STK32B: variants seen among roughly 807,000 people sequenced by gnomAD.
STK32B encodes serine/threonine-protein kinase 32B.
Under a neutral mutation model 52.6 loss-of-function variants are expected in STK32B, and 43 were observed. The ratio of observed to expected loss-of-function variants is 0.82; its 90% CI spans 0.64 to 1.05. The LOEUF is 1.05. Ranked by LOEUF, STK32B falls within the 50% of genes least tolerant of loss-of-function variation. The probability of loss-of-function intolerance (pLI) is 0.00; values close to 1 mark genes in which losing one functional copy is unlikely to be tolerated. For synonymous variants in STK32B, 238 were observed against 204.3 expected, an observed-to-expected ratio of 1.17 and a Z score of -1.41; for missense variants, 621 against 534.6, an observed-to-expected ratio of 1.16 and a Z score of -1.59.
At chr4:5,121,663 T>G (rs1443591218) in intron 1 of STK32B, among the ~76,000 whole-genome samples, 1 of 152,180 alleles carries the variant, frequency 6.6e-6, no homozygotes, top group Non-Finnish European at 1.5e-5. Context: ...TGTTAATGAC[T>G]TCTGAAGGTA....
At chr4:5,281,585 T>G (rs907541790) in intron 3 of STK32B, among the ~76,000 whole-genome samples, 1 of 152,194 alleles carries the variant, frequency 6.6e-6, no homozygotes, top group Non-Finnish European at 1.5e-5. Context: ...TCTGTACATG[T>G]ATCCCAGAAC....
At chr4:5,141,258 G>A (rs1280372897) in intron 2 of STK32B, among the ~76,000 whole-genome samples, 1 of 152,190 alleles carries the variant, frequency 6.6e-6, no homozygotes, top group Non-Finnish European at 1.5e-5. Context: ...CTCTCATACA[G>A]GGTGTCAGGG....
intron 7 of STK32B, among the ~76,000 whole-genome samples, chr4:5,455,552 AAG>A (rs1229088664): frequency 6.6e-6 from 1 of 152,216 alleles, no homozygotes; most frequent in Middle Eastern, 3.2e-3. Flanking sequence ...TTTCCGAAGC[AAG>A]AACTCAAGGT....
intron 4 of STK32B, among the ~76,000 whole-genome samples, chr4:5,397,363 G>A (rs1273853796): frequency 6.6e-6 from 1 of 152,316 alleles, no homozygotes; most frequent in East Asian, 1.9e-4. Flanking sequence ...TTTCACGTGT[G>A]TCTACCACTG....
intron 3 of STK32B, among the ~76,000 whole-genome samples, chr4:5,275,526 C>T (rs895838224): frequency 6.6e-6 from 1 of 152,000 alleles, no homozygotes; most frequent in African/African-American, 2.4e-5. Context: ...GATCGTTTCC[C>T]GTCTTCACCA....
At chr4:5,169,835 A>C (rs1459795324) in intron 3 of STK32B, among the ~76,000 whole-genome samples, 1 of 152,216 alleles carries the variant, frequency 6.6e-6, no homozygotes, top group Non-Finnish European at 1.5e-5. Flanking sequence ...AAAATTACCC[A>C]GAAGCTCTTC....
intron 1 of STK32B, among the ~76,000 whole-genome samples, chr4:5,139,006 A>C (rs1228722889): frequency 1.3e-5 from 2 of 152,112 alleles, no homozygotes; most frequent in African/African-American, 4.8e-5. Flanking sequence ...GACAAGCAAG[A>C]TCACTCGGCT....
chr4:5,056,665 A>C (rs1365982117), intron 1 of STK32B, among the ~76,000 whole-genome samples: 1 of 152,214 alleles, frequency 6.6e-6, no homozygotes, highest in Non-Finnish European at 1.5e-5. Context: ...GTAGTTGCAG[A>C]AAATGTCCCA....
At chr4:5,494,097 A>C (rs374587449) in intron 11 of STK32B, among the ~76,000 whole-genome samples, 1 of 140,422 alleles carries the variant, frequency 7.1e-6, no homozygotes, top group African/African-American at 2.7e-5. Context: ...TATTAGGTCC[A>C]CTTGGTGCAG....
rs76397834 is a variant in STK32B at position 5,277,296 on chromosome 4, T to C, written c.261-53924T>C. Among the ~76,000 whole-genome samples the C allele has an allele frequency of 3.8e-3, 574 of 152,350 alleles. 15 individuals carry two copies. In the East Asian group the frequency reaches 0.071, roughly 19 times the overall value. ...TTTGTGCAAGTGCATAACTCACTCTTTCTTTTCAGCAAAGGACAATGGAGA... is the reference window on the plus strand; with the variant it reads ...TTTGTGCAAGTGCATAACTCACTCTCTCTTTTCAGCAAAGGACAATGGAGA... On this transcript the variant is annotated intron_variant, in intron 3 of 11. Transcript: ENST00000282908.
the STK32B span, among the ~76,000 whole-genome samples, chr4:5,046,127 C>T: frequency 6.6e-5 from 10 of 152,162 alleles, no homozygotes; most frequent in African/African-American, 2.4e-4. Context: ...TACAAGGCTA[C>T]AGTAACCAAA....
chr4:5,122,333 C>G (rs947002068), intron 1 of STK32B, among the ~76,000 whole-genome samples: 1 of 151,930 alleles, frequency 6.6e-6, no homozygotes, highest in African/African-American at 2.4e-5. Context: ...CACCCATTCA[C>G]TCATTCATTC....
the STK32B span, chr4:5,019,403 C>T: frequency 6.7e-7 from 1 of 1,492,536 alleles, no homozygotes; most frequent in South Asian, 1.3e-5. Flanking sequence ...GGGGCTCCCG[C>T]CAGGAGCAGC....
Position 5,460,088 on chromosome 4 carries a change from G to A in STK32B, c.784-15G>A, listed in dbSNP as rs1246106441. On this transcript the variant is annotated splice_polypyrimidine_tract_variant and intron_variant, in intron 8 of 11. Transcript: ENST00000282908. This position sits in a 1 kb window ranked among gnomAD's most constrained non-coding sequence, Gnocchi z 4.8. ...ATGCCCAATTCATGGAAACTCATTT[G>A]CCCTCTAACTGCAGCTCCTGACCAA... 4 of 1,614,174 alleles carry A rather than the reference G, an allele frequency of 2.5e-6. No individual in the cohort carries two copies. The highest frequency in any genetic ancestry group is 3.4e-6 in the Non-Finnish European group (4 of 1,180,022).
intron 3 of STK32B, among the ~76,000 whole-genome samples, chr4:5,192,758 A>G (rs1418736902): frequency 6.8e-6 from 1 of 147,590 alleles, no homozygotes; most frequent in Non-Finnish European, 1.5e-5. Flanking sequence ...ACTCTCGGCA[A>G]ATTTCGAGTA....
chr4:5,334,118 G>A (rs1447560278), intron 4 of STK32B, among the ~76,000 whole-genome samples: 1 of 151,928 alleles, frequency 6.6e-6, no homozygotes, highest in African/African-American at 2.4e-5. Context: ...AGCATGGAAT[G>A]TTCTTCCATT....
chr4:5,304,045 T>C (rs1452011716), intron 3 of STK32B, among the ~76,000 whole-genome samples: 1 of 152,178 alleles, frequency 6.6e-6, no homozygotes, highest in East Asian at 1.9e-4. Context: ...ATATGCCTAT[T>C]TTTATACCAG....
At chr4:5,061,856 C>T (rs1742229902) in intron 1 of STK32B, among the ~76,000 whole-genome samples, 2 of 152,330 alleles carry the variant, frequency 1.3e-5, no homozygotes, top group South Asian at 2.1e-4. Flanking sequence ...AAAGCAGCTC[C>T]TCAGCTTCTT....
At chr4:5,427,270 C>A (rs1329278613) in intron 6 of STK32B, among the ~76,000 whole-genome samples, 2 of 152,150 alleles carry the variant, frequency 1.3e-5, no homozygotes, top group East Asian at 3.9e-4. Flanking sequence ...GTATCTTTTA[C>A]ATATAATCCT....
Sources: gnomAD v4.1 joint callset for allele counts (sites outside exome capture counted in the v4.1 genomes callset) on GRCh38, gnomAD v4.1.1 for gene constraint, Gnocchi (gnomAD v3.1) non-coding constraint, MANE v1.5 for transcripts, NCBI Gene and HGNC (gene_info 2026-07-23, HGNC 2026-07-21) for gene names.